The following PARN variants were observed in gnomAD, a reference collection of about 807,000 sequenced individuals.
PARN encodes the protein poly(A)-specific ribonuclease.
Under a neutral mutation model 102.8 loss-of-function variants are expected in PARN, and 71 were observed. The ratio of observed to expected loss-of-function variants is 0.69; its 90% CI spans 0.57 to 0.84. The LOEUF is 0.84. PARN is among the 40% of genes least tolerant of loss of function. PARN has a pLI of 0.00. For missense variants in PARN, 782 were observed against 760.9 expected, an observed-to-expected ratio of 1.03 and a Z score of -0.33; for synonymous variants, 261 against 252.9, an observed-to-expected ratio of 1.03 and a Z score of -0.30.
chr16:14,544,317 G>C (rs575946511), intron 21 of PARN, among the ~76,000 whole-genome samples: 1 of 152,312 alleles, frequency 6.6e-6, no homozygotes, highest in Admixed American at 6.5e-5. Context: ...GCTCACATCT[G>C]TAATCTCAGC....
chr16:14,581,802 T>C (rs1687815590), intron 17 of PARN, among the ~76,000 whole-genome samples: 1 of 152,112 alleles, frequency 6.6e-6, no homozygotes, highest in Admixed American at 6.6e-5. Flanking sequence ...ACACCAGTAG[T>C]CCCAGCTACT....
intron 21 of PARN, among the ~76,000 whole-genome samples, chr16:14,551,425 C>T (rs1967295418): frequency 6.6e-6 from 1 of 151,568 alleles, no homozygotes; most frequent in African/African-American, 2.4e-5. Flanking sequence ...AAAAATTAGC[C>T]GGGTATCATG....
At chr16:14,536,747 A>G (rs1966626548) in intron 21 of PARN, among the ~76,000 whole-genome samples, 1 of 152,200 alleles carries the variant, frequency 6.6e-6, no homozygotes, top group Non-Finnish European at 1.5e-5. Flanking sequence ...CGCTTGTGAC[A>G]TGATTAATTA....
intron 23 of PARN, among the ~76,000 whole-genome samples, chr16:14,441,213 T>G (rs1346196790): frequency 1.3e-5 from 2 of 152,104 alleles, no homozygotes; most frequent in Non-Finnish European, 2.9e-5. Flanking sequence ...CAGCATCAAG[T>G]TGGGGGCTGG....
rs150561062 is a variant in PARN, at chr16:14,583,821, C to A, written c.1081+526G>T. Among the ~76,000 whole-genome samples, 1,394 of 152,190 alleles carry A rather than the reference C, an allele frequency of 9.2e-3. 9 individuals are homozygous for A. Among genetic ancestry groups the A allele is most frequent in the Middle Eastern group, 0.024 (7 of 294 alleles). Reference sequence around the variant, plus strand: ...CTCTCCACATACCTTGGTGGTGGCCCGAGGTGGCAAAACACCTCCATCTCA... The same window carrying A: ...CTCTCCACATACCTTGGTGGTGGCCAGAGGTGGCAAAACACCTCCATCTCA... On this transcript the variant is annotated intron_variant, in intron 16 of 23. Coordinates refer to ENST00000437198, the MANE Select transcript of PARN (RefSeq NM_002582.4).
chr16:14,479,425 T>TAA (rs920076526), intron 22 of PARN, among the ~76,000 whole-genome samples: 2 of 141,830 alleles, frequency 1.4e-5, no homozygotes, highest in African/African-American at 2.6e-5. Context: ...CCATCTCTAT[T>TAA]AAAAAAAAAA....
At chr16:14,484,105 G>T (rs1457303218) in intron 21 of PARN, among the ~76,000 whole-genome samples, 1 of 152,174 alleles carries the variant, frequency 6.6e-6, no homozygotes, top group African/African-American at 2.4e-5. Context: ...CAATACTTAG[G>T]ACATGCCTCT....
intron 1 of PARN, 25 bp from the exon 2 acceptor site, chr16:14,629,699 C>G: frequency 6.5e-7 from 1 of 1,549,160 alleles, no homozygotes; most frequent in African/African-American, 1.4e-5. Context: ...AAAAGAGGCT[C>G]AGAACCAGTG....
At chr16:14,617,546 T>C (rs1450855737) in intron 6 of PARN, 44 bp downstream of exon 6, 1 of 937,822 alleles carries the variant, frequency 1.1e-6, no homozygotes, top group Non-Finnish European at 1.8e-6. Flanking sequence ...CAAGGATATT[T>C]TGAAGGTTTA....
At chr16:14,622,694 GAC>G (rs1438479868) in intron 5 of PARN, among the ~76,000 whole-genome samples, 5 of 152,192 alleles carry the variant, frequency 3.3e-5, no homozygotes, top group Admixed American at 2.6e-4. Context: ...TTTTAGTAGA[GAC>G]GGGGTTTCAC....
At chr16:14,441,580 C>G (rs191839693) in intron 23 of PARN, among the ~76,000 whole-genome samples, 1 of 152,336 alleles carries the variant, frequency 6.6e-6, no homozygotes, top group African/African-American at 2.4e-5. Context: ...CGGTTTCCCA[C>G]ACTAAGAAGG....
chr16:14,564,942 C>A (rs1968341706), intron 18 of PARN: 1 of 152,158 alleles, frequency 6.6e-6, no homozygotes, highest in South Asian at 2.1e-4. Context: ...TCATCTCAAC[C>A]CAATTTGAGC....
intron 19 of PARN, 24 bp downstream of exon 19, chr16:14,555,630 A>G (rs772588822): frequency 2.6e-6 from 3 of 1,144,570 alleles, no homozygotes; most frequent in South Asian, 3.0e-5. Context: ...CACAGATGCA[A>G]TAAGAAAATA....
intron 5 of PARN, among the ~76,000 whole-genome samples, chr16:14,626,792 T>C (rs1972699568): frequency 6.6e-6 from 1 of 151,744 alleles, no homozygotes; most frequent in South Asian, 2.1e-4. Context: ...TTTTTTTTTG[T>C]ATTTTTAGTA....
intron 18 of PARN, among the ~76,000 whole-genome samples, chr16:14,558,124 A>T (rs1300016354): frequency 1.3e-5 from 2 of 152,224 alleles, no homozygotes; most frequent in Non-Finnish European, 2.9e-5. Flanking sequence ...CAAATTTTTT[A>T]AAAAATTAAT....
At chr16:14,594,294 G>A (rs1395974025) in intron 12 of PARN, among the ~76,000 whole-genome samples, 2 of 152,112 alleles carry the variant, frequency 1.3e-5, no homozygotes, top group African/African-American at 2.4e-5. Context: ...AGCCCTCTTC[G>A]TGCAATGGGC....
intron 5 of PARN, among the ~76,000 whole-genome samples, chr16:14,622,128 G>A (rs753929424): frequency 2.6e-5 from 4 of 152,100 alleles, no homozygotes; most frequent in Non-Finnish European, 5.9e-5. Context: ...GGGAGGTGGA[G>A]GTTACAGTGA....
intron 20 of PARN, among the ~76,000 whole-genome samples, chr16:14,553,604 A>C (rs1159896115): frequency 6.6e-6 from 1 of 152,230 alleles, no homozygotes; most frequent in East Asian, 1.9e-4. Context: ...AAACGAACCT[A>C]ATCACATGAC....
chr16:14,625,643 G>A (rs1972600933), intron 5 of PARN, among the ~76,000 whole-genome samples: 1 of 152,204 alleles, frequency 6.6e-6, no homozygotes. Flanking sequence ...TATAAGACCA[G>A]AATTTAACCT....
Sources: gnomAD v4.1 joint callset for allele counts (sites outside exome capture counted in the v4.1 genomes callset) on GRCh38, gnomAD v4.1.1 for gene constraint, MANE v1.5 for transcripts, NCBI Gene and HGNC (gene_info 2026-07-23, HGNC 2026-07-21) for gene names.